Variants in RPL35A observed in about 807,000 individuals in gnomAD.
The protein encoded by RPL35A is large ribosomal subunit protein eL33.
In RPL35A, 1 loss-of-function variant was observed where a neutral mutation model predicts 16.7. That is an observed-to-expected ratio of 0.06 (90% CI 0.02 to 0.28). The LOEUF (loss-of-function observed/expected upper bound fraction) is 0.28, where lower values mean the gene tolerates loss of function less well. Among genes scored for constraint, RPL35A ranks in the 10% least tolerant of loss-of-function variants. The pLI, the probability that RPL35A is intolerant of heterozygous loss-of-function variation, is 1.00. For synonymous variants in RPL35A, 58 were observed against 47.0 expected, an observed-to-expected ratio of 1.23 and a Z score of -0.96; for missense variants, 91 against 138.7, an observed-to-expected ratio of 0.66 and a Z score of 1.73.
chr3:197,955,508 C>T (rs1353328141), intron 4 of RPL35A, among the ~76,000 whole-genome samples: 1 of 152,090 alleles, frequency 6.6e-6, no homozygotes, highest in Non-Finnish European at 1.5e-5. Flanking sequence ...AGGATCTGCC[C>T]GCCTAGGCCT....
intron 4 of RPL35A, among the ~76,000 whole-genome samples, chr3:197,954,720 C>T (rs1434359323): frequency 6.6e-6 from 1 of 152,146 alleles, no homozygotes; most frequent in Non-Finnish European, 1.5e-5. Context: ...GTTGCCCAGG[C>T]TGGTCTTGAA....
Position 197,955,946 on chromosome 3 carries a change from TAC to T in RPL35A, c.*175_*176del. 1.6e-6 allele frequency: 1 copy of T among 633,746 alleles called. No individual in the cohort carries two copies. Among genetic ancestry groups the T allele is most frequent in the Non-Finnish European group, 2.8e-6 (1 of 352,156 alleles). The allele number at this position is 633,746 out of a possible 1,614,324, so 39.3% of individuals were successfully genotyped here. The stretch of plus-strand genomic sequence containing the variant: ...CATGTGATGAAAATTACAGGGCGAG[TAC>T]AGAGATTTAGAAGGGAACGGGTTTT... On this transcript the variant is annotated 3_prime_UTR_variant, in exon 5 of 5. Transcript: ENST00000647248.
chr3:197,952,872 G>T (rs1330508082), intron 3 of RPL35A, among the ~76,000 whole-genome samples: 4 of 149,364 alleles, frequency 2.7e-5, no homozygotes, highest in African/African-American at 9.9e-5. Flanking sequence ...TTGCTCTGTT[G>T]CCCAGGCTGG....
intron 3 of RPL35A, 142 bp downstream of exon 3, chr3:197,951,453 A>G: frequency 1.1e-6 from 1 of 881,964 alleles, no homozygotes; most frequent in Non-Finnish European, 1.8e-6. Context: ...CCCGGGTTCA[A>G]GCAAGTGTCC....
intron 3 of RPL35A, among the ~76,000 whole-genome samples, chr3:197,953,018 C>G (rs932087094): frequency 2.0e-5 from 3 of 151,956 alleles, no homozygotes; most frequent in African/African-American, 4.8e-5. Flanking sequence ...CCAGGCTGGT[C>G]TCGAACTCCT....
chr3:197,951,199 C>G lies in RPL35A; in HGVS notation c.52C>G (p.Leu18Val). The G allele has an allele frequency of 6.2e-7, 1 of 1,614,116 alleles. No individual in the cohort carries two copies. Among genetic ancestry groups the G allele is most frequent in the Non-Finnish European group, 8.5e-7 (1 of 1,180,028 alleles). ...CATTTTTGCTGGCTATAAGCGGGGT[C>G]TCCGGAACCAAAGGGAGCACACAGC... The part of the protein sequence containing the change: ...KAIFAGYKRG[L>V]RNQREHTALL... The change falls in exon 3 of 5, where the codon CTC (leucine) becomes GTC (valine). Residue 18 changes from leucine to valine, a missense_variant. Physicochemically the swap from Leu to Val is conservative, Grantham distance 32. Transcript: ENST00000647248.
At chr3:197,954,634 C>T (rs777097003) in intron 4 of RPL35A, among the ~76,000 whole-genome samples, 27 of 152,094 alleles carry the variant, frequency 1.8e-4, no homozygotes, top group African/African-American at 5.3e-4. Context: ...CTCAGCCTCC[C>T]GAGTAGCTGG....
intron 1 of RPL35A, 106 bp from the exon 2 acceptor site, chr3:197,950,830 G>A: frequency 1.0e-6 from 1 of 975,698 alleles, no homozygotes; most frequent in Non-Finnish European, 1.6e-6. Context: ...ACTCCTACAT[G>A]AAACTCCCAT....
In RPL35A at chr3:197,954,096, C is replaced by A. The variant is rs570654861; in HGVS notation, c.258C>A (p.Ala86=). ...RAHGNSGMVR[A]KFRSNLPAKA... is the part of the protein sequence containing the mutation. Reference sequence around the variant, plus strand: ...ATGGAAACAGTGGCATGGTTCGTGCCAAATTCCGAAGCAATCTTCCTGCTA... The same window carrying A: ...ATGGAAACAGTGGCATGGTTCGTGCAAAATTCCGAAGCAATCTTCCTGCTA... Residue 86 remains alanine (A), a synonymous_variant, in exon 4 of 5, where the codon GCC becomes GCA. Transcript: ENST00000647248. 6 of 1,614,034 alleles carry A rather than the reference C, an allele frequency of 3.7e-6. No homozygotes were observed. The highest frequency in any genetic ancestry group is 5.1e-6 in the Non-Finnish European group (6 of 1,180,028).
In RPL35A at chr3:197,956,002, T is replaced by A. The variant is rs1302682581; in HGVS notation, c.*229T>A. 1.9e-5 allele frequency: 10 copies of A among 530,508 alleles called. No homozygotes were observed. The highest frequency in any genetic ancestry group is 3.8e-5 in the African/African-American group (2 of 52,156). The allele number at this position is 530,508 out of a possible 1,614,324, so 32.9% of individuals were successfully genotyped here. A position where few individuals can be genotyped will look rare whatever the true frequency, so the allele number is the denominator to read the frequency against. On this transcript the variant is annotated 3_prime_UTR_variant, in exon 5 of 5. Coordinates refer to ENST00000647248, the MANE Select transcript of RPL35A (RefSeq NM_000996.4). ...GCGAGTATCTTTGACAGAGTCTTGCTCTGTTGCCCATGCTGGAGTGTAGTG... is the reference window on the plus strand; with the variant it reads ...GCGAGTATCTTTGACAGAGTCTTGCACTGTTGCCCATGCTGGAGTGTAGTG...
chr3:197,950,388 T>C (rs7631002), intron 1 of RPL35A, 167 bp downstream of exon 1: 273,376 of 1,170,622 alleles, frequency 0.23, 42,057 homozygotes, highest in African/African-American at 0.76. Flanking sequence ...GCTGATGGTG[T>C]TTGGTCCCCT....
At position 197,950,202 on chromosome 3, in the gene RPL35A, C is replaced by T; in HGVS notation, c.-52C>T. Reference sequence around the variant, plus strand: ...GCGGGGCCTCGTCCTTCTCTTACCGCCATCTTGGCTCCTGTGGAGGTGAGT... The same window carrying T: ...GCGGGGCCTCGTCCTTCTCTTACCGTCATCTTGGCTCCTGTGGAGGTGAGT... On this transcript the variant is annotated 5_prime_UTR_variant, in exon 1 of 5. Transcript: ENST00000647248. The T allele has an allele frequency of 8.1e-7, 1 of 1,231,604 alleles. No homozygotes were observed. Among genetic ancestry groups the T allele is most frequent in the Non-Finnish European group, 1.0e-6 (1 of 987,920 alleles). The allele number at this position is 1,231,604 out of a possible 1,614,324, so 76.3% of individuals were successfully genotyped here.
intron 1 of RPL35A, 82 bp from the exon 2 acceptor site, chr3:197,950,854 G>C: frequency 7.7e-7 from 1 of 1,298,858 alleles, no homozygotes; most frequent in Non-Finnish European, 1.1e-6. Context: ...AAAGGAATTT[G>C]CTTTAGGGGC....
rs1161903755 is a variant in RPL35A, at chr3:197,952,162, GTTTTTTTTTT to G, written c.164+868_164+877del. 5.4e-4 allele frequency among the ~76,000 whole-genome samples: 45 copies of G among 83,890 alleles called. 1 individual carries two copies. Among genetic ancestry groups the G allele is most frequent in the Admixed American group, 2.6e-3 (19 of 7,372 alleles). The allele number at this position is 83,890 out of a possible 152,430, so 55.0% of individuals were successfully genotyped here. A position where few individuals can be genotyped will look rare whatever the true frequency, so the allele number is the denominator to read the frequency against. The stretch of plus-strand genomic sequence containing the variant: ...TTTTGTTAATGCCTTAAAATTATGG[GTTTTTTTTTT>G]TTTTTTTTTTTTTTTTGGAGACGGA... On this transcript the variant is annotated intron_variant, in intron 3 of 4. Coordinates refer to ENST00000647248, the MANE Select transcript of RPL35A (RefSeq NM_000996.4).
At chr3:197,951,479 A>G in intron 3 of RPL35A, 168 bp downstream of exon 3, 1 of 702,640 alleles carries the variant, frequency 1.4e-6, no homozygotes, top group Non-Finnish European at 2.4e-6. Flanking sequence ...CAGCCTCCCG[A>G]GTAGCTGGGA....
In RPL35A at chr3:197,955,712, A is replaced by G. The variant is rs761688628; in HGVS notation, c.310-38A>G. ...TTCTTGATTTGTAGACGTATATATAACATTCACCTAATGTTTTGTGTTCTT... is the reference window on the plus strand; with the variant it reads ...TTCTTGATTTGTAGACGTATATATAGCATTCACCTAATGTTTTGTGTTCTT... On this transcript the variant is annotated intron_variant, in intron 4 of 4. Transcript: ENST00000647248. 4.9e-5 allele frequency: 76 copies of G among 1,543,314 alleles called. 2 individuals are homozygous for G. In the South Asian group the frequency reaches 8.2e-4, roughly 17 times the overall value.
Position 197,955,886 on chromosome 3 carries a change from C to T in RPL35A, c.*113C>T, listed in dbSNP as rs1720489147. ...TACATGCTTAAAATGATAGAGGTTGCTCAGCATTTTTGGAGTACAAGGGGG... is the reference window on the plus strand; with the variant it reads ...TACATGCTTAAAATGATAGAGGTTGTTCAGCATTTTTGGAGTACAAGGGGG... On this transcript the variant is annotated 3_prime_UTR_variant, in exon 5 of 5. Transcript: ENST00000647248. 5.3e-6 allele frequency: 5 copies of T among 951,830 alleles called. No individual in the cohort carries two copies. In the East Asian group the frequency reaches 1.2e-4, roughly 23 times the overall value. The allele number at this position is 951,830 out of a possible 1,614,324, so 59.0% of individuals were successfully genotyped here.
chr3:197,950,915 A>T (rs1581096765), intron 1 of RPL35A, 21 bp from the exon 2 acceptor site: 1 of 1,613,306 alleles, frequency 6.2e-7, no homozygotes, highest in South Asian at 1.1e-5. Context: ...GTTTTAAACT[A>T]ATCTTTTTGT....
intron 4 of RPL35A, chr3:197,954,470 A>C: frequency 2.5e-6 from 1 of 398,156 alleles, no homozygotes. Context: ...AGTAGCTGGG[A>C]CCATAGGCGT....
Sources: gnomAD v4.1 joint callset for allele counts (sites outside exome capture counted in the v4.1 genomes callset) on GRCh38, gnomAD v4.1.1 for gene constraint, MANE v1.5 for transcripts, NCBI Gene and HGNC (gene_info 2026-07-23, HGNC 2026-07-21) for gene names.